Variants in UBXN7 observed in about 807,000 individuals in gnomAD.
UBXN7 encodes UBX domain-containing protein 7.
UBXN7 carries 9 observed loss-of-function variants against 58.0 expected under a neutral mutation model. That is an observed-to-expected ratio of 0.16 (90% CI 0.09 to 0.27). The LOEUF (loss-of-function observed/expected upper bound fraction) is 0.27. Among genes scored for constraint, UBXN7 ranks in the 10% least tolerant of loss-of-function variants. UBXN7 has a pLI of 1.00. For missense variants in UBXN7, 328 were observed against 599.6 expected (o/e 0.55, Z 4.73); for synonymous variants, 208 against 205.0 (o/e 1.01, Z -0.12).
At chr3:196,401,112 G>T (rs1414801554) in intron 3 of UBXN7, among the ~76,000 whole-genome samples, 2 of 150,556 alleles carry the variant, frequency 1.3e-5, no homozygotes, top group Non-Finnish European at 3.0e-5. Context: ...AAGCTGCCAA[G>T]TTAAAAACAT....
intron 1 of UBXN7, among the ~76,000 whole-genome samples, chr3:196,426,211 C>T (rs1256032942): frequency 1.3e-5 from 2 of 151,712 alleles, no homozygotes; most frequent in Admixed American, 6.6e-5. Context: ...AGATGAAACC[C>T]CATCTCCATT....
chr3:196,356,444 G>C lies in UBXN7; in HGVS notation c.*241C>G, dbSNP rs563903236. The C allele has an allele frequency of 2.3e-5, 9 of 397,730 alleles. No homozygotes were observed. In the East Asian group the frequency reaches 4.4e-4, roughly 20 times the overall value. 24.6% of individuals were successfully genotyped at this position (397,730 alleles called of 1,614,324 possible). ...TCACCAGATTAGGTAAGAAAGAAAA[G>C]TGTGGGGGGAGGGGGAGGCAGAAGG... On this transcript the variant is annotated 3_prime_UTR_variant, in exon 11 of 11. Coordinates refer to ENST00000296328, the MANE Select transcript of UBXN7 (RefSeq NM_015562.2).
chr3:196,363,716 G>T (rs1260158165), intron 8 of UBXN7, among the ~76,000 whole-genome samples: 2 of 152,120 alleles, frequency 1.3e-5, no homozygotes, highest in Admixed American at 1.3e-4. Context: ...ATCACCTGAG[G>T]TCAGGAGTTC....
At chr3:196,427,049 C>T (rs2108627936) in intron 1 of UBXN7, among the ~76,000 whole-genome samples, 1 of 152,256 alleles carries the variant, frequency 6.6e-6, no homozygotes. Flanking sequence ...TACCAGTAAC[C>T]TCTTGTACTC....
chr3:196,371,976 C>A lies in UBXN7; in HGVS notation c.535G>T (p.Ala179Ser). 6.2e-7 allele frequency: 1 copy of A among 1,613,890 alleles called. No homozygotes were observed. Among genetic ancestry groups the A allele is most frequent in the South Asian group, 1.1e-5 (1 of 91,010 alleles). The change falls in exon 6 of 11, where the codon GCA (alanine) becomes TCA (serine). Residue 179 changes from alanine (A) to serine (S), a missense_variant. Physicochemically the swap from Ala to Ser is moderately conservative, Grantham distance 99. Coordinates refer to ENST00000296328, the MANE Select transcript of UBXN7 (RefSeq NM_015562.2). ...ACATCGCGGTTGAGGCACTGACATG[C>A]AAAGTCTTGAACATTTTGAATGTTT... ...MINIQNVQDFACQCLNRDVWS... is the reference protein window; with the variant it reads ...MINIQNVQDFSCQCLNRDVWS...
chr3:196,401,344 CAAAAAATAAAAATTA>C (rs1477043311), intron 3 of UBXN7, among the ~76,000 whole-genome samples: 1 of 111,610 alleles, frequency 9.0e-6, no homozygotes, highest in Non-Finnish European at 1.8e-5. Flanking sequence ...CACATATATA[CAAAAAATAAAAATTA>C]AAAAAATAAA....
intron 8 of UBXN7, 62 bp from the exon 9 acceptor site, chr3:196,362,749 C>T (rs907487369): frequency 3.5e-5 from 54 of 1,524,352 alleles, no homozygotes; most frequent in Admixed American, 8.4e-5. Context: ...ACAAGTCAAA[C>T]GGCATAAGAA....
chr3:196,424,917 G>A (rs1425992887), intron 1 of UBXN7, among the ~76,000 whole-genome samples: 1 of 151,882 alleles, frequency 6.6e-6, no homozygotes, highest in Non-Finnish European at 1.5e-5. Flanking sequence ...GGTCAGGCTG[G>A]TCTCAAACTC....
At chr3:196,406,269 G>A (rs1331961463) in intron 2 of UBXN7, among the ~76,000 whole-genome samples, 1 of 152,052 alleles carries the variant, frequency 6.6e-6, no homozygotes, top group Non-Finnish European at 1.5e-5. Context: ...TTGGGCTCAA[G>A]CCATCCTCCT....
At chr3:196,429,160 T>G (rs1276168229) in intron 1 of UBXN7, among the ~76,000 whole-genome samples, 1 of 152,100 alleles carries the variant, frequency 6.6e-6, no homozygotes, top group African/African-American at 2.4e-5. Context: ...ACCCCGTCTC[T>G]ACTAAAAATA....
chr3:196,388,230 G>A (rs1334112008), intron 5 of UBXN7, among the ~76,000 whole-genome samples: 1 of 149,310 alleles, frequency 6.7e-6, no homozygotes, highest in Non-Finnish European at 1.5e-5. Context: ...ACTCACAGGT[G>A]GGTATTGAAC....
At chr3:196,422,247 C>T (rs1268500717) in intron 1 of UBXN7, among the ~76,000 whole-genome samples, 1 of 151,920 alleles carries the variant, frequency 6.6e-6, no homozygotes. Flanking sequence ...ACACCTGTAA[C>T]CCCAGCACTG....
chr3:196,417,198 A>G (rs1179666102), intron 1 of UBXN7, among the ~76,000 whole-genome samples: 6 of 152,114 alleles, frequency 3.9e-5, no homozygotes, highest in South Asian at 2.1e-4. Flanking sequence ...TTGTAGTCCC[A>G]GCTGCTGGGG....
chr3:196,365,062 T>C (rs1728624525), intron 8 of UBXN7, among the ~76,000 whole-genome samples: 2 of 118,758 alleles, frequency 1.7e-5, no homozygotes, highest in African/African-American at 5.2e-5. Flanking sequence ...CTCCTCTGAT[T>C]TCCTTACTTA....
intron 8 of UBXN7, among the ~76,000 whole-genome samples, chr3:196,366,553 C>A (rs1240566969): frequency 6.6e-6 from 1 of 151,612 alleles, no homozygotes; most frequent in Non-Finnish European, 1.5e-5. Flanking sequence ...CAGTGTGAGA[C>A]CACATCTCAA....
chr3:196,363,339 A>G (rs1391785400), intron 8 of UBXN7, among the ~76,000 whole-genome samples: 1 of 151,824 alleles, frequency 6.6e-6, no homozygotes, highest in African/African-American at 2.4e-5. Context: ...TCTGGATTCA[A>G]GTAAGCATAC....
chr3:196,358,116 G>A (rs542909563), intron 10 of UBXN7, among the ~76,000 whole-genome samples: 3 of 152,192 alleles, frequency 2.0e-5, no homozygotes, highest in East Asian at 1.9e-4. Context: ...GAAAATGCCC[G>A]CAGCGTCACC....
At position 196,368,063 on chromosome 3, in the gene UBXN7, G is replaced by A; in HGVS notation, c.799C>T (p.Leu267Phe). 6.2e-7 allele frequency: 1 copy of A among 1,613,978 alleles called. No homozygotes were observed. The highest frequency in any genetic ancestry group is 8.5e-7 in the Non-Finnish European group (1 of 1,179,960). The change falls in exon 8 of 11, where the codon CTT becomes TTT. Residue 267 changes from leucine to phenylalanine, a missense_variant. Leu to Phe is a conservative substitution (Grantham distance 22, BLOSUM62 0). Around this residue, in one of 4 missense-constraint regions of UBXN7, gnomAD observed 126 missense variants for 302.6 expected, o/e 0.42. Coordinates refer to ENST00000296328, the MANE Select transcript of UBXN7 (RefSeq NM_015562.2). ...FLGEHGQLDG[L>F]SSSPPKKCAR... is the part of the protein sequence containing the mutation. ...CATTTTTTGGGGGGACTGCTAGAAA[G>A]TCCATCCAGTTGTCCATGTTCACCC...
At position 196,362,316 on chromosome 3, in the gene UBXN7, T is replaced by A; in HGVS notation, c.1206A>T (p.Val402=). 6.2e-7 allele frequency: 1 copy of A among 1,610,370 alleles called. No homozygotes were observed. Among genetic ancestry groups the A allele is most frequent in the Non-Finnish European group, 8.5e-7 (1 of 1,178,678 alleles). The change falls in exon 9 of 11, where the codon GTA becomes GTT. Residue 402 remains valine (V), a synonymous_variant. Transcript: ENST00000296328. ...TACCATTTACATCTATCCCCTCCACTACTCCATCTGCTTTTTCAGGTGGCA... is the reference window on the plus strand; with the variant it reads ...TACCATTTACATCTATCCCCTCCACAACTCCATCTGCTTTTTCAGGTGGCA... ...LEMPPEKADG[V]VEGIDVNGPK...
Sources: allele counts gnomAD v4.1 joint callset (sites outside exome capture counted in the v4.1 genomes callset), GRCh38; gene constraint gnomAD v4.1.1; regional missense constraint gnomAD v4.1.1; transcripts MANE v1.5; gene names NCBI Gene and HGNC (gene_info 2026-07-23, HGNC 2026-07-21).